ERLN: variants seen among roughly 807,000 people sequenced by gnomAD.
ERLN encodes endoregulin.
the ERLN span, chr17:75,647,861 G>T: frequency 3.2e-6 from 1 of 310,530 alleles, no homozygotes; most frequent in African/African-American, 2.2e-5. Flanking sequence ...CAGGTGGAAG[G>T]AGCTATGGCT....
At chr17:75,647,741 G>A in the ERLN span, 1 of 638,200 alleles carries the variant, frequency 1.6e-6, no homozygotes, top group South Asian at 2.1e-5. Context: ...GGTCAGACTA[G>A]TAAGATGGGG....
the ERLN span, chr17:75,647,674 T>C: frequency 1.9e-6 from 2 of 1,056,006 alleles, no homozygotes; most frequent in Non-Finnish European, 2.8e-6. Flanking sequence ...CAAGCCCTGG[T>C]GTCTTCCTTT....
At chr17:75,647,623 C>G in the ERLN span, 1 of 1,502,812 alleles carries the variant, frequency 6.7e-7, no homozygotes. Context: ...TGCCCCCATT[C>G]CAGTGGTGGG....
the ERLN span, chr17:75,647,808 A>G: frequency 2.2e-6 from 1 of 461,746 alleles, no homozygotes; most frequent in South Asian, 3.6e-5. Context: ...GGGTTCCCCG[A>G]CCAGAACCCT....
chr17:75,646,684 G>C, the ERLN span: 2 of 152,394 alleles, frequency 1.3e-5, no homozygotes, highest in Non-Finnish European at 2.9e-5. Context: ...TGCAGCTCTG[G>C]TCACCTGGCG....
the ERLN span, chr17:75,646,432 C>T: frequency 6.6e-6 from 1 of 152,508 alleles, no homozygotes; most frequent in Non-Finnish European, 1.5e-5. Context: ...CCGTCCACCC[C>T]AAGTCTGACT....
the ERLN span, chr17:75,647,323 G>C: frequency 1.4e-6 from 2 of 1,478,536 alleles, no homozygotes; most frequent in Non-Finnish European, 1.8e-6. Flanking sequence ...CCTGGGACAG[G>C]GCCTGGGAGG....
At chr17:75,647,312 A>G in the ERLN span, 30 of 1,434,828 alleles carry the variant, frequency 2.1e-5, no homozygotes, top group Non-Finnish European at 2.8e-5. Flanking sequence ...AGAGCATAGC[A>G]CCTGGGACAG....
the ERLN span, chr17:75,647,366 T>C: frequency 3.2e-6 from 5 of 1,544,360 alleles, no homozygotes; most frequent in Non-Finnish European, 4.4e-6. Context: ...GTCCCTCTTT[T>C]CCAGATTCTC....
the ERLN span, chr17:75,647,288 T>C: frequency 8.2e-7 from 1 of 1,221,208 alleles, no homozygotes. Context: ...CTACAGAGGC[T>C]GGAGTCGGCG....
chr17:75,647,656 T>G, the ERLN span: 1 of 1,257,200 alleles, frequency 8.0e-7, no homozygotes, highest in Non-Finnish European at 1.1e-6. Context: ...TCCCTCTGGC[T>G]CAGGGGCCAA....
the ERLN span, chr17:75,647,804 C>T: frequency 2.1e-6 from 1 of 473,526 alleles, no homozygotes; most frequent in Non-Finnish European, 3.9e-6. Context: ...TTTAGGGTTC[C>T]CCGACCAGAA....
the ERLN span, chr17:75,647,430 C>A: frequency 7.1e-6 from 11 of 1,549,978 alleles, no homozygotes; most frequent in East Asian, 2.2e-4. Context: ...TCTGGCAGAA[C>A]CCCTGGGACC....
the ERLN span, chr17:75,647,974 C>T: frequency 9.8e-3 from 1,731 of 176,632 alleles, 9 homozygotes; most frequent in Non-Finnish European, 0.014. Flanking sequence ...TTCAAATCTG[C>T]TAACTTGTGA....
At chr17:75,646,364 A>C in the ERLN span, 4 of 152,428 alleles carry the variant, frequency 2.6e-5, no homozygotes, top group Non-Finnish European at 5.9e-5. Context: ...AGCCCAGCCC[A>C]GCCACAGGTG....
the ERLN span, chr17:75,647,806 C>T: frequency 4.3e-6 from 2 of 461,400 alleles, no homozygotes; most frequent in South Asian, 3.6e-5. Context: ...TAGGGTTCCC[C>T]GACCAGAACC....
chr17:75,647,488 C>G, the ERLN span: 1 of 1,550,390 alleles, frequency 6.4e-7, no homozygotes, highest in Non-Finnish European at 8.7e-7. Context: ...TGTCCTGCTT[C>G]TCATCTTATT....
At chr17:75,647,746 A>G in the ERLN span, 1 of 623,098 alleles carries the variant, frequency 1.6e-6, no homozygotes, top group Non-Finnish European at 2.8e-6. Context: ...GACTAGTAAG[A>G]TGGGGAGGCT....
chr17:75,647,254 C>A, the ERLN span: 2 of 812,738 alleles, frequency 2.5e-6, no homozygotes, highest in Non-Finnish European at 3.8e-6. Context: ...GGCTGCCAGG[C>A]GGGCCGGCTG....
Sources: allele counts gnomAD v4.1 joint callset, GRCh38; gene constraint gnomAD v4.1.1; transcripts MANE v1.5; gene names NCBI Gene and HGNC (gene_info 2026-07-23, HGNC 2026-07-21).